WDFY4: variants seen among roughly 807,000 people sequenced by gnomAD.
The protein encoded by WDFY4 is WD repeat- and FYVE domain-containing protein 4.
A neutral mutation model predicts 351.9 loss-of-function variants in WDFY4; 169 were observed. The observed-to-expected ratio is 0.48, with a 90% CI of 0.42 to 0.55. WDFY4 has a LOEUF of 0.55. Among genes scored for constraint, WDFY4 ranks in the 20% least tolerant of loss-of-function variants. WDFY4 has a pLI of 0.00. For synonymous variants in WDFY4, 1,622 were observed against 1,574.6 expected (o/e 1.03, Z -0.71); for missense variants, 3,803 against 3,935.6 (o/e 0.97, Z 0.90).
At position 48,833,172 on chromosome 10, in the gene WDFY4, T is replaced by TGAGA. The variant is rs35354863; in HGVS notation, c.6663+486_6663+489dup. Among the ~76,000 whole-genome samples, 890 of 135,888 alleles carry TGAGA rather than the reference T, an allele frequency of 6.5e-3. 12 individuals carry two copies. Among genetic ancestry groups the TGAGA allele is most frequent in the African/African-American group, 0.015 (558 of 36,284 alleles). 89.1% of individuals were successfully genotyped at this position (135,888 alleles called of 152,430 possible). A position where few individuals can be genotyped will look rare whatever the true frequency, so the allele number is the denominator to read the frequency against. On this transcript the variant is annotated intron_variant, in intron 39 of 61. Transcript: ENST00000325239. ...GTGTGTGTGTGTGTGTGTGTGTGTG[T>TGAGA]GAGAGAGAGAGAGAGAGAGAGAGAG...
At chr10:48,943,570 G>C (rs1166932527) in intron 49 of WDFY4, 121 bp downstream of exon 49, 1 of 1,063,366 alleles carries the variant, frequency 9.4e-7, no homozygotes, top group Non-Finnish European at 1.3e-6. Flanking sequence ...TGGGTACCTG[G>C]GCCTAAAGGC....
rs756621992 is a variant in WDFY4, at chr10:48,975,048, C to T, written c.9108+7C>T. On this transcript the variant is annotated splice_region_variant and intron_variant, in intron 58 of 61. Transcript: ENST00000325239. ...CACCATCAGTGACGTCTCAGTAAGT[C>T]TCCTGTTTCTCAGTGTCCGTGTCCT... 2 of 1,551,746 alleles carry T rather than the reference C, an allele frequency of 1.3e-6. No homozygotes were observed. Among genetic ancestry groups the T allele is most frequent in the Non-Finnish European group, 8.7e-7 (1 of 1,147,012 alleles).
chr10:48,688,169 A>G (rs1327877841), intron 1 of WDFY4, among the ~76,000 whole-genome samples: 2 of 152,176 alleles, frequency 1.3e-5, no homozygotes, highest in South Asian at 2.1e-4. Context: ...CTGGTTCTCT[A>G]TTCTGTCAAT....
chr10:48,727,850 C>T (rs2064321792), intron 7 of WDFY4, among the ~76,000 whole-genome samples, 191 bp downstream of exon 7: 1 of 152,200 alleles, frequency 6.6e-6, no homozygotes, highest in African/African-American at 2.4e-5. Context: ...AGTAGTTTTA[C>T]AAAGTGTACT....
intron 24 of WDFY4, among the ~76,000 whole-genome samples, chr10:48,799,395 G>C (rs1270910982): frequency 1.3e-5 from 2 of 150,168 alleles, no homozygotes; most frequent in African/African-American, 2.5e-5. Context: ...GTAAAGTGAG[G>C]TAAGGGATGT....
At chr10:48,874,649 AAAAAAAAATAAAAAAT>A (rs1182536217) in intron 41 of WDFY4, among the ~76,000 whole-genome samples, 3 of 150,602 alleles carry the variant, frequency 2.0e-5, no homozygotes, top group Admixed American at 1.3e-4. Context: ...AATAGGAAGC[AAAAAAAAATAAAAAAT>A]AAAAAAAATA....
chr10:48,787,966 CTT>C (rs2066535498), intron 20 of WDFY4, among the ~76,000 whole-genome samples: 1 of 129,744 alleles, frequency 7.7e-6, no homozygotes, highest in African/African-American at 3.2e-5. Context: ...TCTTCTTCTT[CTT>C]CTTCTTCTTC....
intron 11 of WDFY4, among the ~76,000 whole-genome samples, chr10:48,739,437 A>G (rs867916742): frequency 1.3e-5 from 2 of 152,220 alleles, no homozygotes; most frequent in Admixed American, 6.5e-5. Context: ...GTGATGCATT[A>G]TCATGCAAAG....
Position 48,790,734 on chromosome 10 carries a change from G to A in WDFY4, c.4074G>A (p.Arg1358=). ...CCACTTTATGCCACACAGGGGTGAG[G>A]GTATTCCACTCCAGCCCTGCTGCCA... is the stretch of plus-strand genomic sequence containing the variant. ...GAVAVGQLGV[R]VFHSSPAASS... is the part of the protein sequence containing the mutation. Residue 1358 remains arginine (R), a synonymous_variant, in exon 23 of 62, where the codon AGG becomes AGA. Coordinates refer to ENST00000325239, the MANE Select transcript of WDFY4 (RefSeq NM_001394531.1). 1 of 1,551,734 alleles carries A rather than the reference G, an allele frequency of 6.4e-7. No individual in the cohort carries two copies. Among genetic ancestry groups the A allele is most frequent in the Non-Finnish European group, 8.7e-7 (1 of 1,146,972 alleles).
rs981276868 is a variant in WDFY4, at chr10:48,890,572, C to T, written c.7168-7C>T. Reference sequence around the variant, plus strand: ...CACCACCTGACTCTGCCACTCTCTCCTTCCAGGTGACGCAGAAGTTCTCCC... The same window carrying T: ...CACCACCTGACTCTGCCACTCTCTCTTTCCAGGTGACGCAGAAGTTCTCCC... On this transcript the variant is annotated splice_region_variant and splice_polypyrimidine_tract_variant and intron_variant, in intron 43 of 61. Coordinates refer to ENST00000325239, the MANE Select transcript of WDFY4 (RefSeq NM_001394531.1). 12 of 1,551,574 alleles carry T rather than the reference C, an allele frequency of 7.7e-6. No individual in the cohort carries two copies. The highest frequency in any genetic ancestry group is 3.3e-4 in the Middle Eastern group (2 of 6,012).
intron 12 of WDFY4, among the ~76,000 whole-genome samples, chr10:48,744,188 G>T (rs1462101708): frequency 2.0e-5 from 3 of 152,304 alleles, no homozygotes; most frequent in East Asian, 3.9e-4. Flanking sequence ...AACCCACTTG[G>T]GGTGGGAGGG....
intron 1 of WDFY4, among the ~76,000 whole-genome samples, chr10:48,703,855 G>C (rs1013173982): frequency 6.6e-6 from 1 of 152,194 alleles, no homozygotes; most frequent in Non-Finnish European, 1.5e-5. Flanking sequence ...AATGCAGAGC[G>C]AGCTCTGATG....
At chr10:48,937,196 T>C (rs1840436190) in intron 47 of WDFY4, among the ~76,000 whole-genome samples, 1 of 152,162 alleles carries the variant, frequency 6.6e-6, no homozygotes, top group Non-Finnish European at 1.5e-5. Flanking sequence ...GCCAGCCAAC[T>C]TTCAGATTTT....
At chr10:48,896,363 C>T (rs192708927) in intron 44 of WDFY4, among the ~76,000 whole-genome samples, 1 of 152,320 alleles carries the variant, frequency 6.6e-6, no homozygotes, top group East Asian at 1.9e-4. Flanking sequence ...CCACTATGGC[C>T]CCACTGGGAG....
chr10:48,785,950 A>G (rs1589603835), intron 19 of WDFY4, among the ~76,000 whole-genome samples: 1 of 152,324 alleles, frequency 6.6e-6, no homozygotes, highest in Admixed American at 6.5e-5. Context: ...GGGAAATAAT[A>G]TCTTTACTAT....
chr10:48,911,459 G>A (rs1837997575), intron 47 of WDFY4, among the ~76,000 whole-genome samples: 1 of 152,152 alleles, frequency 6.6e-6, no homozygotes, highest in Non-Finnish European at 1.5e-5. Flanking sequence ...ATTTTAAAAT[G>A]TTTTAGTTAT....
chr10:48,776,046 T>C (rs2066021131), intron 15 of WDFY4, among the ~76,000 whole-genome samples: 1 of 151,794 alleles, frequency 6.6e-6, no homozygotes, highest in Admixed American at 6.6e-5. Flanking sequence ...TCCCTTTGGG[T>C]TCCAGATCAT....
intron 17 of WDFY4, 101 bp downstream of exon 17, chr10:48,777,596 G>A: frequency 8.3e-7 from 1 of 1,210,886 alleles, no homozygotes; most frequent in Non-Finnish European, 1.2e-6. Flanking sequence ...TCAATAAAGT[G>A]TGAGCTGTGC....
At chr10:48,785,833 T>C (rs745426446) in intron 19 of WDFY4, among the ~76,000 whole-genome samples, 1 of 152,228 alleles carries the variant, frequency 6.6e-6, no homozygotes. Flanking sequence ...CCTTCCCATA[T>C]ACATTTTAGA....
Sources: allele counts gnomAD v4.1 joint callset (sites outside exome capture counted in the v4.1 genomes callset), GRCh38; gene constraint gnomAD v4.1.1; transcripts MANE v1.5; gene names NCBI Gene and HGNC (gene_info 2026-07-23, HGNC 2026-07-21).